The following ATP13A3 variants were observed in gnomAD, a reference collection of about 807,000 sequenced individuals.
The protein encoded by ATP13A3 is ATPase 13A3, also known as polyamine-transporting ATPase 13A3.
A neutral mutation model predicts 158.1 loss-of-function variants in ATP13A3; 59 were observed. The ratio of observed to expected loss-of-function variants is 0.37; its 90% CI spans 0.30 to 0.46. ATP13A3 has a LOEUF of 0.46. ATP13A3 is among the 20% of genes least tolerant of loss of function. The pLI is 1.00. For missense variants in ATP13A3, 1,166 were observed against 1,525.2 expected, an observed-to-expected ratio of 0.76 and a Z score of 3.92; for synonymous variants, 491 against 504.3, an observed-to-expected ratio of 0.97 and a Z score of 0.35.
intron 24 of ATP13A3, among the ~76,000 whole-genome samples, chr3:194,430,589 G>A (rs965199915): frequency 9.2e-5 from 14 of 152,108 alleles, no homozygotes; most frequent in African/African-American, 3.1e-4. Flanking sequence ...AGAGCAAAGC[G>A]CTTGTGCCTA....
At chr3:194,408,739 A>T (rs948966730) in intron 33 of ATP13A3, among the ~76,000 whole-genome samples, 1 of 152,138 alleles carries the variant, frequency 6.6e-6, no homozygotes, top group African/African-American at 2.4e-5. Flanking sequence ...TACCTCCCCC[A>T]AGTATCATAC....
rs3821401 is a variant in ATP13A3 at position 194,432,044 on chromosome 3, C to G, written c.2246-152G>C. 0.091 allele frequency: 55,479 copies of G among 608,978 alleles called. 6,250 individuals carry two copies. Among genetic ancestry groups the G allele is most frequent in the African/African-American group, 0.41 (21,511 of 51,938 alleles). 37.7% of individuals were successfully genotyped at this position (608,978 alleles called of 1,614,324 possible). On this transcript the variant is annotated intron_variant, in intron 21 of 33. Coordinates refer to ENST00000645319, the MANE Select transcript of ATP13A3 (RefSeq NM_001367549.1). ...TCTTCCACTTACAGTTTAAAAATAA[C>G]AAAATTGGAGCATACTTATCAAAAG...
At chr3:194,413,894 G>A in intron 31 of ATP13A3, 55 bp from the exon 32 acceptor site, 1 of 1,409,216 alleles carries the variant, frequency 7.1e-7, no homozygotes, top group Non-Finnish European at 1.0e-6. Context: ...CAATATTATA[G>A]CACTGTATCA....
chr3:194,449,515 T>C (rs934994580), intron 11 of ATP13A3, among the ~76,000 whole-genome samples: 1 of 152,024 alleles, frequency 6.6e-6, no homozygotes, highest in Non-Finnish European at 1.5e-5. Context: ...CCGTCTCTAC[T>C]AAGAATGCAA....
intron 24 of ATP13A3, 125 bp from the exon 25 acceptor site, chr3:194,430,440 A>G (rs1717135056): frequency 1.8e-6 from 2 of 1,088,610 alleles, no homozygotes; most frequent in East Asian, 5.2e-5. Flanking sequence ...CAGTGGAACT[A>G]TGAATCTTTT....
intron 16 of ATP13A3, among the ~76,000 whole-genome samples, chr3:194,440,251 C>T (rs555915212): frequency 1.3e-5 from 2 of 152,308 alleles, no homozygotes; most frequent in South Asian, 4.1e-4. Flanking sequence ...GGCAGGAACA[C>T]TTATCAGCCA....
intron 15 of ATP13A3, among the ~76,000 whole-genome samples, chr3:194,442,481 T>C (rs1165820295): frequency 1.3e-5 from 2 of 152,008 alleles, no homozygotes; most frequent in Non-Finnish European, 2.9e-5. Flanking sequence ...AAATTTAAGA[T>C]AACAGAATGG....
At chr3:194,481,187 A>G (rs1046145030) in intron 2 of ATP13A3, among the ~76,000 whole-genome samples, 1 of 152,038 alleles carries the variant, frequency 6.6e-6, no homozygotes, top group Non-Finnish European at 1.5e-5. Flanking sequence ...TATCAAAATA[A>G]ATAACTAAAA....
At chr3:194,424,458 CAAAT>C (rs1304106789) in intron 30 of ATP13A3, 1 of 151,920 alleles carries the variant, frequency 6.6e-6, no homozygotes, top group Non-Finnish European at 1.5e-5. Flanking sequence ...GTAGAAGTGA[CAAAT>C]AAGATAATGT....
chr3:194,456,729 T>C (rs887261225), intron 7 of ATP13A3, among the ~76,000 whole-genome samples: 1 of 152,120 alleles, frequency 6.6e-6, no homozygotes, highest in Admixed American at 6.5e-5. Context: ...GTGCTATCAA[T>C]TGTAAGGCAT....
intron 8 of ATP13A3, 101 bp downstream of exon 8, chr3:194,455,792 G>C (rs1488756031): frequency 2.5e-6 from 2 of 787,084 alleles, no homozygotes; most frequent in Non-Finnish European, 4.1e-6. Context: ...TGAAAAAGAG[G>C]TTAGGAAAAA....
At chr3:194,473,267 C>T (rs375332718) in intron 2 of ATP13A3, among the ~76,000 whole-genome samples, 8 of 151,982 alleles carry the variant, frequency 5.3e-5, no homozygotes, top group Non-Finnish European at 1.2e-4. Flanking sequence ...AATTAATGTA[C>T]GCAATAAAAC....
chr3:194,420,309 C>T (rs535233070), intron 30 of ATP13A3: 2 of 161,654 alleles, frequency 1.2e-5, no homozygotes, highest in Non-Finnish European at 2.7e-5. Flanking sequence ...GATAATAAAG[C>T]CAATACATAA....
chr3:194,441,321 GC>G lies in ATP13A3; in HGVS notation c.1699del (p.Ala567LeufsTer54). ...AAATATTTGACTTACCCATCCAATAGCCTCAAACATTTTCAGATCAAGTGGA... is the reference window on the plus strand; with the variant it reads ...AAATATTTGACTTACCCATCCAATAGCTCAAACATTTTCAGATCAAGTGGA... ...GDPLDLKMFE[A>X]IGWILEEATE... is the part of the protein sequence containing the mutation. On this transcript the variant is annotated frameshift_variant, in exon 16 of 34. Transcript: ENST00000645319. LOFTEE classifies it high-confidence loss of function. 1 of 1,610,274 alleles carries G rather than the reference GC, an allele frequency of 6.2e-7. No homozygotes were observed. The highest frequency in any genetic ancestry group is 8.5e-7 in the Non-Finnish European group (1 of 1,178,002).
At chr3:194,425,724 G>A (rs576966776) in intron 29 of ATP13A3, among the ~76,000 whole-genome samples, 195 bp from the exon 30 acceptor site, 2 of 152,220 alleles carry the variant, frequency 1.3e-5, no homozygotes, top group Admixed American at 6.5e-5. Flanking sequence ...TCTTCAGTCC[G>A]ACATCTCAAC....
chr3:194,407,921 C>T (rs1560064883), intron 33 of ATP13A3, among the ~76,000 whole-genome samples: 2 of 152,060 alleles, frequency 1.3e-5, no homozygotes, highest in South Asian at 2.1e-4. Context: ...TCTGAGATGA[C>T]AGTTTACTAC....
At chr3:194,484,035 G>T (rs1720865700) in intron 2 of ATP13A3, among the ~76,000 whole-genome samples, 1 of 152,136 alleles carries the variant, frequency 6.6e-6, no homozygotes, top group East Asian at 1.9e-4. Context: ...TGTGCTAAAA[G>T]AAGGTGATCT....
chr3:194,443,502 AAC>A (rs1718187776), intron 15 of ATP13A3, among the ~76,000 whole-genome samples: 2 of 152,198 alleles, frequency 1.3e-5, no homozygotes. Flanking sequence ...CAAGTGGCAA[AAC>A]ACACACTAGG....
intron 10 of ATP13A3, chr3:194,453,202 C>T (rs1268514253): frequency 6.6e-6 from 1 of 150,470 alleles, no homozygotes; most frequent in African/African-American, 2.4e-5. Flanking sequence ...GTAGTCCCAC[C>T]TACTTGGGAG....
Sources: gnomAD v4.1 joint callset for allele counts (sites outside exome capture counted in the v4.1 genomes callset) on GRCh38, gnomAD v4.1.1 for gene constraint, MANE v1.5 for transcripts, NCBI Gene and HGNC (gene_info 2026-07-23, HGNC 2026-07-21) for gene names.